The following GRIP1 variants were observed in gnomAD, a reference collection of about 807,000 sequenced individuals.
GRIP1 encodes the protein glutamate receptor interacting protein 1.
In GRIP1, 45 loss-of-function variants were observed where a neutral mutation model predicts 129.9. The ratio of observed to expected loss-of-function variants is 0.35; its 90% confidence interval spans 0.27 to 0.44. The LOEUF (loss-of-function observed/expected upper bound fraction) is 0.44, where lower values mean the gene tolerates loss of function less well. Among genes scored for constraint, GRIP1 ranks in the 20% least tolerant of loss-of-function variants. GRIP1 has a pLI of 1.00. For synonymous variants in GRIP1, 530 were observed against 520.8 expected (o/e 1.02, Z -0.24); for missense variants, 1,196 against 1,396.8 (o/e 0.86, Z 2.29).
intron 1 of GRIP1, among the ~76,000 whole-genome samples, chr12:66,655,732 C>A (rs938598985): frequency 6.6e-6 from 1 of 151,658 alleles, no homozygotes; most frequent in African/African-American, 2.4e-5. Context: ...GCCTCAGCCT[C>A]CTGAGTAGCT....
chr12:66,833,940 C>T (rs1921009), intron 1 of GRIP1, among the ~76,000 whole-genome samples: 40,860 of 151,914 alleles, frequency 0.27, 6,310 homozygotes, highest in Non-Finnish European at 0.35. Flanking sequence ...AAGGCCAAGG[C>T]GGATGGCTTA....
chr12:66,443,409 C>T (rs2058523243), intron 13 of GRIP1, among the ~76,000 whole-genome samples: 1 of 151,894 alleles, frequency 6.6e-6, no homozygotes. Flanking sequence ...TGTGTTCAAT[C>T]TCCCTCCCCT....
chr12:66,738,623 C>T (rs573850055), intron 1 of GRIP1, among the ~76,000 whole-genome samples: 2 of 152,016 alleles, frequency 1.3e-5, no homozygotes, highest in African/African-American at 4.8e-5. Context: ...GAGATTGTTC[C>T]TGTGATGTGA....
At chr12:66,872,747 C>T (rs1021767323) in intron 1 of GRIP1, among the ~76,000 whole-genome samples, 6 of 151,952 alleles carry the variant, frequency 3.9e-5, no homozygotes, top group African/African-American at 7.2e-5. Context: ...CCTTTGGAGC[C>T]GACAATAATG....
chr12:66,415,084 C>T (rs1358734520), intron 15 of GRIP1, among the ~76,000 whole-genome samples: 2 of 151,870 alleles, frequency 1.3e-5, no homozygotes, highest in African/African-American at 4.8e-5. Flanking sequence ...GCAAAGATTT[C>T]ATGACGAAAA....
chr12:66,592,188 T>C (rs1172552106), intron 2 of GRIP1, among the ~76,000 whole-genome samples: 1 of 152,218 alleles, frequency 6.6e-6, no homozygotes, highest in Admixed American at 6.5e-5. Context: ...CTCCCTGGTG[T>C]CAAGGGTATG....
intron 1 of GRIP1, among the ~76,000 whole-genome samples, chr12:66,876,380 T>C (rs2040383712): frequency 6.6e-6 from 1 of 152,054 alleles, no homozygotes; most frequent in Admixed American, 6.6e-5. Context: ...AACAACCCTA[T>C]GAGTTAGGTA....
chr12:66,406,808 A>G (rs1043268031), intron 15 of GRIP1, among the ~76,000 whole-genome samples: 3 of 152,160 alleles, frequency 2.0e-5, no homozygotes, highest in Non-Finnish European at 4.4e-5. Context: ...ATACTAGGAG[A>G]GCATTAAGAG....
At chr12:66,479,717 C>T (rs187072976) in intron 7 of GRIP1, among the ~76,000 whole-genome samples, 2 of 152,210 alleles carry the variant, frequency 1.3e-5, no homozygotes, top group Non-Finnish European at 2.9e-5. Flanking sequence ...AAAGCTTATC[C>T]ACAATGATCA....
chr12:66,640,088 C>T (rs1299695255), intron 1 of GRIP1, among the ~76,000 whole-genome samples: 3 of 152,146 alleles, frequency 2.0e-5, no homozygotes, highest in African/African-American at 7.2e-5. Flanking sequence ...TCCTGAAAGC[C>T]TCCACCAACC....
At chr12:66,434,989 C>G (rs1447806457) in intron 13 of GRIP1, among the ~76,000 whole-genome samples, 1 of 152,188 alleles carries the variant, frequency 6.6e-6, no homozygotes, top group African/African-American at 2.4e-5. Flanking sequence ...AGGTGGAGTG[C>G]ATGTTTCTTG....
intron 1 of GRIP1, among the ~76,000 whole-genome samples, chr12:66,927,400 C>T (rs1398577104): frequency 6.6e-6 from 1 of 152,146 alleles, no homozygotes; most frequent in East Asian, 1.9e-4. Flanking sequence ...TAATAGAACA[C>T]ATATTGATTG....
At chr12:66,491,273 C>T (rs1375310964) in intron 7 of GRIP1, among the ~76,000 whole-genome samples, 1 of 152,180 alleles carries the variant, frequency 6.6e-6, no homozygotes, top group African/African-American at 2.4e-5. Flanking sequence ...CCACAGAATA[C>T]TATGCAGCCA....
chr12:66,934,240 C>T (rs532346376), intron 1 of GRIP1, among the ~76,000 whole-genome samples: 3 of 152,334 alleles, frequency 2.0e-5, no homozygotes, highest in East Asian at 3.9e-4. Context: ...CTCTAGGTCT[C>T]TGCTCATGTC....
intron 1 of GRIP1, among the ~76,000 whole-genome samples, chr12:66,750,073 A>G (rs978335980): frequency 1.6e-4 from 24 of 152,204 alleles, no homozygotes; most frequent in Non-Finnish European, 3.2e-4. Context: ...ATATGTCTAC[A>G]GTGTACACCA....
At chr12:66,473,313 G>T (rs2059497602) in intron 7 of GRIP1, among the ~76,000 whole-genome samples, 1 of 152,198 alleles carries the variant, frequency 6.6e-6, no homozygotes, top group Non-Finnish European at 1.5e-5. Flanking sequence ...CTGAAAGAAA[G>T]GCACCAGCCC....
intron 1 of GRIP1, among the ~76,000 whole-genome samples, chr12:67,015,875 A>G (rs1396666551): frequency 6.6e-6 from 1 of 152,206 alleles, no homozygotes; most frequent in Non-Finnish European, 1.5e-5. Flanking sequence ...AGAAAGTAGC[A>G]TTAGAATAGA....
At chr12:66,645,078 A>T (rs1045681243) in intron 1 of GRIP1, among the ~76,000 whole-genome samples, 1 of 152,192 alleles carries the variant, frequency 6.6e-6, no homozygotes, top group African/African-American at 2.4e-5. Flanking sequence ...ATTCACACCC[A>T]GTTTTAGTTT....
intron 1 of GRIP1, among the ~76,000 whole-genome samples, chr12:66,964,246 T>A (rs1170413630): frequency 2.6e-5 from 4 of 152,150 alleles, no homozygotes; most frequent in Admixed American, 2.6e-4. Flanking sequence ...CCAGGTACTA[T>A]TCTAAGTAGC....
Sources: allele counts gnomAD v4.1 joint callset (sites outside exome capture counted in the v4.1 genomes callset), GRCh38; gene constraint gnomAD v4.1.1; transcripts MANE v1.5; gene names NCBI Gene and HGNC (gene_info 2026-07-23, HGNC 2026-07-21).